The following CHMP6 variants were observed in gnomAD, a reference collection of about 807,000 sequenced individuals.
CHMP6 encodes chromatin-modifying protein 6.
CHMP6 carries 10 observed loss-of-function variants against 32.8 expected under a neutral mutation model. The observed-to-expected ratio is 0.30, with a 90% CI of 0.19 to 0.52. CHMP6 has a LOEUF of 0.52. Ranked by LOEUF, CHMP6 falls within the 20% of genes least tolerant of loss-of-function variation. CHMP6 has a pLI of 0.97. For synonymous variants in CHMP6, 123 were observed against 105.8 expected, an observed-to-expected ratio of 1.16 and a Z score of -1.00; for missense variants, 269 against 263.8, an observed-to-expected ratio of 1.02 and a Z score of -0.14.
Position 80,999,609 on chromosome 17 carries a change from C to T in CHMP6, c.*456C>T, listed in dbSNP as rs8076478. 0.02 allele frequency: 3,172 copies of T among 159,234 alleles called. 99 individuals are homozygous for T. Among genetic ancestry groups the T allele is most frequent in the African/African-American group, 0.071 (2,953 of 41,712 alleles). 9.9% of individuals were successfully genotyped at this position (159,234 alleles called of 1,614,324 possible). A position where few individuals can be genotyped will look rare whatever the true frequency, so the allele number is the denominator to read the frequency against. On this transcript the variant is annotated 3_prime_UTR_variant, in exon 8 of 8. Transcript: ENST00000325167. ...GGGTCCCTCCCTTGGCCTGGCTTCCCGGCGCACCTCAGCTTCCCTGCTGGT... is the reference window on the plus strand; with the variant it reads ...GGGTCCCTCCCTTGGCCTGGCTTCCTGGCGCACCTCAGCTTCCCTGCTGGT...
At chr17:80,992,019 ACAGGCGACGGGGCCGGGG>A in intron 1 of CHMP6, 38 bp downstream of exon 1, 2 of 1,336,150 alleles carry the variant, frequency 1.5e-6, no homozygotes, top group Non-Finnish European at 1.9e-6. Context: ...TGGGGCCGGG[ACAGGCGACGGGGCCGGGG>A]CGGGCGGCGG....
chr17:80,997,562 G>A (rs1029595201), intron 6 of CHMP6, among the ~76,000 whole-genome samples: 3 of 152,100 alleles, frequency 2.0e-5, no homozygotes, highest in Non-Finnish European at 4.4e-5. Flanking sequence ...TGGACAGAGC[G>A]GGGGTGCTGG....
At chr17:80,994,502 C>T (rs1347320013) in intron 1 of CHMP6, 79 bp from the exon 2 acceptor site, 2 of 1,326,748 alleles carry the variant, frequency 1.5e-6, no homozygotes, top group Admixed American at 2.5e-5. Context: ...GCCGCCCGGC[C>T]TCCATGCCTG....
rs535351773 is a variant in CHMP6, at chr17:80,992,068, C to G, written c.63+87C>G. The G allele has an allele frequency of 9.3e-6, 9 of 965,560 alleles. No individual in the cohort carries two copies. The South Asian group carries it at 1.4e-4, about 15-fold the overall frequency. 59.8% of individuals were successfully genotyped at this position (965,560 alleles called of 1,614,324 possible). Reference sequence around the variant, plus strand: ...GGCGGGGCCGGAAGAGCCCCGCGCCCTCGGCCCCCCGCGTTCGGATGGGGA... The same window carrying G: ...GGCGGGGCCGGAAGAGCCCCGCGCCGTCGGCCCCCCGCGTTCGGATGGGGA... On this transcript the variant is annotated intron_variant, in intron 1 of 7. Coordinates refer to ENST00000325167, the MANE Select transcript of CHMP6 (RefSeq NM_024591.5).
In CHMP6 at chr17:80,999,432, C is replaced by A. The variant is rs1044550260; in HGVS notation, c.*279C>A. ...TTGTGGGCTCCCCCGGTGGCCGAGGCCCAGGCCCAACGCCTCTGGTGCTGT... is the reference window on the plus strand; with the variant it reads ...TTGTGGGCTCCCCCGGTGGCCGAGGACCAGGCCCAACGCCTCTGGTGCTGT... On this transcript the variant is annotated 3_prime_UTR_variant, in exon 8 of 8. Transcript: ENST00000325167. 6.6e-6 allele frequency: 3 copies of A among 453,096 alleles called. No individual in the cohort carries two copies. The highest frequency in any genetic ancestry group is 1.2e-5 in the Non-Finnish European group (3 of 244,854). The allele number at this position is 453,096 out of a possible 1,614,324, so 28.1% of individuals were successfully genotyped here. A position where few individuals can be genotyped will look rare whatever the true frequency, so the allele number is the denominator to read the frequency against.
intron 4 of CHMP6, 44 bp downstream of exon 4, chr17:80,995,802 A>G: frequency 6.4e-7 from 1 of 1,569,862 alleles, no homozygotes; most frequent in Non-Finnish European, 8.8e-7. Context: ...TGGGGAGCCC[A>G]TTGGGCTGGA....
chr17:80,997,852 T>G (rs2069652711), intron 6 of CHMP6, among the ~76,000 whole-genome samples: 1 of 152,240 alleles, frequency 6.6e-6, no homozygotes, highest in Admixed American at 6.5e-5. Context: ...GCCCTGGTGC[T>G]GTGCGGCCCA....
chr17:80,995,676 A>G lies in CHMP6; in HGVS notation c.266A>G (p.Gln89Arg). Residue 89 changes from glutamine to arginine, a missense_variant, in exon 4 of 8, where the codon CAG becomes CGG. Coordinates refer to ENST00000325167, the MANE Select transcript of CHMP6 (RefSeq NM_024591.5). ...NQISSLEAMV[Q>R]SIEFTQIEMK... ...CTGCTCTGGTTTCCTTTTCAGGTTCAGAGTATTGAGTTCACCCAGATCGAA... is the reference window on the plus strand; with the variant it reads ...CTGCTCTGGTTTCCTTTTCAGGTTCGGAGTATTGAGTTCACCCAGATCGAA... 6.2e-7 allele frequency: 1 copy of G among 1,613,982 alleles called. No individual in the cohort carries two copies. Among genetic ancestry groups the G allele is most frequent in the Middle Eastern group, 1.7e-4 (1 of 6,056 alleles).
Position 80,997,337 on chromosome 17 carries a change from C to G in CHMP6, c.491C>G (p.Thr164Ser). 2 of 1,609,628 alleles carry G rather than the reference C, an allele frequency of 1.2e-6. No homozygotes were observed. Among genetic ancestry groups the G allele is most frequent in the Non-Finnish European group, 1.7e-6 (2 of 1,179,690 alleles). The change falls in exon 6 of 8, where the codon ACT becomes AGT. Residue 164 changes from threonine to serine, a missense_variant. Physicochemically the swap from Thr to Ser is moderately conservative, Grantham distance 58. Transcript: ENST00000325167. The stretch of plus-strand genomic sequence containing the variant: ...ATCCTGGAGGAGCTGAGCGCAATCA[C>G]TCAGGTAACGGCCCCCCCGGGACTG... ...DAILEELSAITQEQIELPEVP... is the reference protein window; with the variant it reads ...DAILEELSAISQEQIELPEVP...
intron 3 of CHMP6, 52 bp from the exon 4 acceptor site, chr17:80,995,619 AG>A (rs1343167418): frequency 1.3e-6 from 2 of 1,531,828 alleles, no homozygotes; most frequent in Admixed American, 1.7e-5. Context: ...CAGGGCCGGG[AG>A]GAGGGCACCC....
At chr17:80,996,796 G>A (rs2069641144) in intron 4 of CHMP6, among the ~76,000 whole-genome samples, 1 of 152,204 alleles carries the variant, frequency 6.6e-6, no homozygotes, top group Non-Finnish European at 1.5e-5. Context: ...ACAGGGACAG[G>A]AGCTGGGTGT....
chr17:80,993,137 G>C (rs2069607194), intron 1 of CHMP6, among the ~76,000 whole-genome samples: 1 of 152,220 alleles, frequency 6.6e-6, no homozygotes, highest in South Asian at 2.1e-4. Context: ...TTCAAGCACA[G>C]CTTTCCACTT....
chr17:80,995,579 C>T (rs1598439253), intron 3 of CHMP6, 93 bp from the exon 4 acceptor site: 1 of 1,076,430 alleles, frequency 9.3e-7, no homozygotes, highest in Non-Finnish European at 1.4e-6. Context: ...CAGCACCCGC[C>T]CAGCAAGGGT....
chr17:80,995,222 G>C, intron 3 of CHMP6, 116 bp downstream of exon 3: 1 of 999,512 alleles, frequency 1.0e-6, no homozygotes, highest in Non-Finnish European at 1.5e-6. Context: ...AGATGCCTCG[G>C]GCTGAAGCTG....
At chr17:80,995,846 G>A (rs903982652) in intron 4 of CHMP6, 88 bp downstream of exon 4, 1 of 1,200,544 alleles carries the variant, frequency 8.3e-7, no homozygotes, top group Admixed American at 1.9e-5. Context: ...GTCCCACGGT[G>A]TTCGTGTCAG....
At position 80,995,079 on chromosome 17, in the gene CHMP6, G is replaced by A. The variant is rs2069625787; in HGVS notation, c.234G>A (p.Glu78=). ...RYQEQLLDRT[E]NQISSLEAMV... ...AGGAGCAGCTCCTGGACAGGACGGA[G>A]AACCAGATCAGCAGCCTGGAGGCCA... Residue 78 remains glutamate, a synonymous_variant, in exon 3 of 8, where the codon GAG becomes GAA. Coordinates refer to ENST00000325167, the MANE Select transcript of CHMP6 (RefSeq NM_024591.5). The A allele has an allele frequency of 6.2e-7, 1 of 1,602,750 alleles. No homozygotes were observed. The highest frequency in any genetic ancestry group is 1.3e-5 in the African/African-American group (1 of 74,896).
chr17:80,994,662 C>T lies in CHMP6; in HGVS notation c.145C>T (p.Arg49Trp), dbSNP rs375540118. 9 of 1,579,692 alleles carry T rather than the reference C, an allele frequency of 5.7e-6. No individual in the cohort carries two copies. The highest frequency in any genetic ancestry group is 5.6e-5 in the Admixed American group (3 of 53,992). Residue 49 changes from arginine to tryptophan, a missense_variant, in exon 2 of 8, where the codon CGG (arginine) becomes TGG (tryptophan). Coordinates refer to ENST00000325167, the MANE Select transcript of CHMP6 (RefSeq NM_024591.5). The part of the protein sequence containing the change: ...QQLERERALA[R>W]QLLRDGRKER... Reference sequence around the variant, plus strand: ...GCTGGAGCGCGAGCGCGCCCTGGCCCGGCAGCTGCTGCGGGACGGCAGGAA... The same window carrying T: ...GCTGGAGCGCGAGCGCGCCCTGGCCTGGCAGCTGCTGCGGGACGGCAGGAA...
chr17:80,995,876 C>A (rs1350514911), intron 4 of CHMP6, 118 bp downstream of exon 4: 1 of 859,440 alleles, frequency 1.2e-6, no homozygotes, highest in Non-Finnish European at 1.8e-6. Flanking sequence ...AAGAGGCTGG[C>A]AGGGGAGATG....
rs2069594866 is a variant in CHMP6, at chr17:80,991,900, G to T, written c.-19G>T. 2.8e-6 allele frequency: 4 copies of T among 1,452,362 alleles called. No individual in the cohort carries two copies. Among genetic ancestry groups the T allele is most frequent in the East Asian group, 6.1e-5 (2 of 32,768 alleles). 90.0% of individuals were successfully genotyped at this position (1,452,362 alleles called of 1,614,324 possible). ...GGCGATTGGACTTGGTGGGTCCCGGGCCAGGGGCGGGCGCCGCCATGGGTA... is the reference window on the plus strand; with the variant it reads ...GGCGATTGGACTTGGTGGGTCCCGGTCCAGGGGCGGGCGCCGCCATGGGTA... On this transcript the variant is annotated 5_prime_UTR_variant, in exon 1 of 8. Coordinates refer to ENST00000325167, the MANE Select transcript of CHMP6 (RefSeq NM_024591.5).
Sources: gnomAD v4.1 joint callset for allele counts (sites outside exome capture counted in the v4.1 genomes callset) on GRCh38, gnomAD v4.1.1 for gene constraint, MANE v1.5 for transcripts, NCBI Gene and HGNC (gene_info 2026-07-23, HGNC 2026-07-21) for gene names.